IQSEC2: variants seen among roughly 807,000 people sequenced by gnomAD.
The protein encoded by IQSEC2 is IQ motif and SEC7 domain-containing protein 2.
IQSEC2 carries 6 observed loss-of-function variants against 74.6 expected under a neutral mutation model. That is an observed-to-expected ratio of 0.08 (90% CI 0.04 to 0.16). IQSEC2 has a LOEUF of 0.16. Among genes scored for constraint, IQSEC2 ranks in the 10% least tolerant of loss-of-function variants. The pLI is 1.00. For missense variants in IQSEC2, 734 were observed against 1,306.2 expected (o/e 0.56, Z 6.75); for synonymous variants, 494 against 544.5 (o/e 0.91, Z 1.29).
intron 2 of IQSEC2, among the ~76,000 whole-genome samples, chrX:53,275,548 C>CATG (rs1556869352): frequency 2.8e-4 from 31 of 111,521 alleles, no homozygotes; most frequent in African/African-American, 1.0e-3. Context: ...CATTTATTGA[C>CATG]TCCCCACTGA....
Position 53,283,692 on chromosome X carries a change from G to A in IQSEC2, c.737+8203C>T, listed in dbSNP as rs138796728. Among the ~76,000 whole-genome samples, 967 of 111,837 alleles carry A rather than the reference G, an allele frequency of 8.6e-3. 6 individuals are homozygous for A. Among genetic ancestry groups the A allele is most frequent in the Middle Eastern group, 0.023 (5 of 218 alleles). On this transcript the variant is annotated intron_variant, in intron 2 of 14. Transcript: ENST00000642864. ...AGGCTGAAGGGAGGAAGGAATGAAGGGTGAGGAGCCTGACCCAGCCACGGG... is the reference window on the plus strand; with the variant it reads ...AGGCTGAAGGGAGGAAGGAATGAAGAGTGAGGAGCCTGACCCAGCCACGGG...
In IQSEC2 at chrX:53,254,755, G is replaced by A. The variant is rs374511542; in HGVS notation, c.1176C>T (p.Phe392=). 75 of 1,204,220 alleles carry A rather than the reference G, an allele frequency of 6.2e-5. No homozygotes were observed. The Middle Eastern group carries it at 1.1e-3, about 18-fold the overall frequency. ...RIILSNMRMQ[F]SFEEYEKAQN... ...GTGCCTTCTCATACTCCTCAAAGGA[G>A]AACTGCATCCGCATGTTGGAAAGGA... Residue 392 remains phenylalanine, a synonymous_variant, in exon 4 of 15, where the codon TTC becomes TTT. Coordinates refer to ENST00000642864, the MANE Select transcript of IQSEC2 (RefSeq NM_001111125.3).
chrX:53,229,184 G>A (rs2074054335), downstream of IQSEC2: 1 of 111,762 alleles, frequency 8.9e-6, no homozygotes, highest in Non-Finnish European at 1.9e-5. Flanking sequence ...AAAGAACCGG[G>A]GCTCCTTGGA....
intron 13 of IQSEC2, among the ~76,000 whole-genome samples, 189 bp downstream of exon 13, chrX:53,236,133 A>C (rs2074125686): frequency 8.9e-6 from 1 of 112,350 alleles, no homozygotes; most frequent in Non-Finnish European, 1.9e-5. Flanking sequence ...TCCCTGGCCC[A>C]AAAGCTGGGC....
chrX:53,271,954 G>A (rs1479019905), intron 2 of IQSEC2, among the ~76,000 whole-genome samples: 9 of 111,275 alleles, frequency 8.1e-5, no homozygotes, highest in African/African-American at 2.9e-4. Context: ...TTCAATTTCC[G>A]GAGGTTCGTG....
At position 53,235,130 on chromosome X, in the gene IQSEC2, G is replaced by C; in HGVS notation, c.3556C>G (p.Pro1186Ala). 8.9e-7 allele frequency: 1 copy of C among 1,126,452 alleles called. No individual in the cohort carries two copies. Among genetic ancestry groups the C allele is most frequent in the Non-Finnish European group, 1.2e-6 (1 of 845,918 alleles). 92.8% of individuals were successfully genotyped at this position (1,126,452 alleles called of 1,213,427 possible). ...PHQRMPPPPP[P>A]PPPEEYKSQR... is the part of the protein sequence containing the mutation. ...CTCTTGTACTCCTCTGGCGGCGGGGGTGGGGGCGGAGGTGGCATCCTCTGG... is the reference window on the plus strand; with the variant it reads ...CTCTTGTACTCCTCTGGCGGCGGGGCTGGGGGCGGAGGTGGCATCCTCTGG... Residue 1186 changes from proline (P) to alanine (A), a missense_variant, in exon 15 of 15, where the codon CCC becomes GCC. Around this residue, in one of 12 missense-constraint regions of IQSEC2, gnomAD observed 249 missense variants for 467.9 expected, o/e 0.53. Coordinates refer to ENST00000642864, the MANE Select transcript of IQSEC2 (RefSeq NM_001111125.3).
chrX:53,280,548 T>C, intron 2 of IQSEC2, among the ~76,000 whole-genome samples: 1 of 108,664 alleles, frequency 9.2e-6, no homozygotes, highest in East Asian at 2.9e-4. Flanking sequence ...CAGGGCTGAG[T>C]GGGTGAGGCA....
chrX:53,243,279 T>C, intron 9 of IQSEC2, 53 bp downstream of exon 9: 1 of 1,068,835 alleles, frequency 9.4e-7, no homozygotes, highest in Non-Finnish European at 1.3e-6. Flanking sequence ...TACCACTTAG[T>C]GGCAGAGGCA....
Position 53,248,703 on chromosome X carries a change from C to G in IQSEC2, c.2459+18G>C. ...CCAGGAATCCCTGGCCCAGCCTGCC[C>G]CATCCTGGGGTCCTCACTCCAACAC... On this transcript the variant is annotated intron_variant, in intron 6 of 14. Coordinates refer to ENST00000642864, the MANE Select transcript of IQSEC2 (RefSeq NM_001111125.3). 8.3e-7 allele frequency: 1 copy of G among 1,206,724 alleles called. No homozygotes were observed. The highest frequency in any genetic ancestry group is 2.3e-4 in the Middle Eastern group (1 of 4,329).
intron 2 of IQSEC2, among the ~76,000 whole-genome samples, chrX:53,259,798 TCAAAAACAAAAA>T (rs67657435): frequency 2.8e-5 from 3 of 105,939 alleles, no homozygotes; most frequent in African/African-American, 1.0e-4. Flanking sequence ...AGACCCTGTC[TCAAAAACAAAAA>T]CAAAAACAAA....
At chrX:53,276,322 G>T (rs1466758492) in intron 2 of IQSEC2, among the ~76,000 whole-genome samples, 1 of 111,892 alleles carries the variant, frequency 8.9e-6, no homozygotes, top group Non-Finnish European at 1.9e-5. Flanking sequence ...TATTGTGAAT[G>T]GGATCTTTTC....
chrX:53,309,897 A>G (rs1228678617), intron 1 of IQSEC2, among the ~76,000 whole-genome samples: 2 of 112,122 alleles, frequency 1.8e-5, no homozygotes, highest in Admixed American at 9.5e-5. Flanking sequence ...ACAGCCTCAC[A>G]TTAGGAAGGA....
At chrX:53,317,752 T>G (rs1556879444) in intron 1 of IQSEC2, among the ~76,000 whole-genome samples, 1 of 112,737 alleles carries the variant, frequency 8.9e-6, no homozygotes, top group Non-Finnish European at 1.9e-5. Flanking sequence ...ACTCCCACCC[T>G]GCCTGCCCTC....
At chrX:53,247,371 G>T (rs2074323822) in intron 7 of IQSEC2, among the ~76,000 whole-genome samples, 1 of 112,287 alleles carries the variant, frequency 8.9e-6, no homozygotes, top group South Asian at 3.7e-4. Flanking sequence ...TCATAATCCT[G>T]CAAGGTAGCT....
intron 2 of IQSEC2, among the ~76,000 whole-genome samples, chrX:53,291,470 T>C (rs782334173): frequency 8.9e-6 from 1 of 111,775 alleles, no homozygotes; most frequent in African/African-American, 3.2e-5. Flanking sequence ...CCAGAGTCCA[T>C]TCAAATCCCA....
At chrX:53,246,201 G>A (rs1413279040) in intron 8 of IQSEC2, among the ~76,000 whole-genome samples, 4 of 111,695 alleles carry the variant, frequency 3.6e-5, no homozygotes, top group Admixed American at 2.9e-4. Context: ...TCCTGCCTCT[G>A]CGCCTTTGGT....
chrX:53,247,360 A>G (rs782078729), intron 7 of IQSEC2, among the ~76,000 whole-genome samples: 52 of 112,430 alleles, frequency 4.6e-4, no homozygotes, highest in Non-Finnish European at 8.3e-4. Flanking sequence ...ACGTAATCCT[A>G]TCATAATCCT....
intron 14 of IQSEC2, 142 bp from the exon 15 acceptor site, chrX:53,235,326 G>T: frequency 1.3e-6 from 1 of 750,389 alleles, no homozygotes; most frequent in Non-Finnish European, 1.9e-6. Flanking sequence ...AGTCCGGTAC[G>T]CGTATGTGGA....
At chrX:53,235,699 G>GC in intron 14 of IQSEC2, 84 bp downstream of exon 14, 1 of 1,008,856 alleles carries the variant, frequency 9.9e-7, no homozygotes. Flanking sequence ...AAGAGGGGGA[G>GC]CAACAGGTCC....
Sources: allele counts gnomAD v4.1 joint callset (sites outside exome capture counted in the v4.1 genomes callset), GRCh38; gene constraint gnomAD v4.1.1; regional missense constraint gnomAD v4.1.1; transcripts MANE v1.5; gene names NCBI Gene and HGNC (gene_info 2026-07-23, HGNC 2026-07-21).